The following DCST2 variants were observed in gnomAD, a reference collection of about 807,000 sequenced individuals.
The protein encoded by DCST2 is DC-STAMP domain containing 2, also known as DC-STAMP domain-containing protein 2.
In DCST2, 64 loss-of-function variants were observed where a neutral mutation model predicts 81.8. The observed-to-expected ratio is 0.78, with a 90% CI of 0.64 to 0.96. The LOEUF (loss-of-function observed/expected upper bound fraction) is 0.96. Among genes scored for constraint, DCST2 ranks in the 40% least tolerant of loss-of-function variants. DCST2 has a pLI of 0.00. For synonymous variants in DCST2, 354 were observed against 402.6 expected (o/e 0.88, Z 1.44); for missense variants, 945 against 1,001.4 (o/e 0.94, Z 0.76).
intron 8 of DCST2, among the ~76,000 whole-genome samples, chr1:155,027,587 G>A (rs1344576115): frequency 1.6e-5 from 2 of 123,822 alleles, no homozygotes; most frequent in Admixed American, 1.8e-4. Flanking sequence ...TTGAGACAGG[G>A]TATCACTCTG....
intron 14 of DCST2, among the ~76,000 whole-genome samples, chr1:155,021,991 C>T (rs535599203): frequency 2.0e-5 from 3 of 151,930 alleles, no homozygotes; most frequent in South Asian, 2.1e-4. Flanking sequence ...CTCAGCCTCC[C>T]GAGTAGCTGG....
chr1:155,020,488 G>C (rs1210159096), intron 14 of DCST2, among the ~76,000 whole-genome samples: 1 of 152,048 alleles, frequency 6.6e-6, no homozygotes, highest in Non-Finnish European at 1.5e-5. Flanking sequence ...TTCTGCCTCA[G>C]CCTCCCAAGT....
chr1:155,024,736 C>T, intron 10 of DCST2, 134 bp from the exon 11 acceptor site: 2 of 1,075,576 alleles, frequency 1.9e-6, no homozygotes, highest in East Asian at 3.2e-5. Flanking sequence ...TCAAATGCCC[C>T]TTCCTCTGGG....
In DCST2 at chr1:155,030,663, A is replaced by G. The variant is rs761690132; in HGVS notation, c.806-18T>C. ...AATCACGGCTGGGGCCAGCAGGTTC[A>G]GGGGAGACGTGGGCAAGGAGAGTTA... On this transcript the variant is annotated intron_variant, in intron 5 of 14. Coordinates refer to ENST00000368424, the MANE Select transcript of DCST2 (RefSeq NM_144622.3). The G allele has an allele frequency of 1.2e-6, 2 of 1,613,476 alleles. No individual in the cohort carries two copies. The highest frequency in any genetic ancestry group is 8.5e-7 in the Non-Finnish European group (1 of 1,179,678).
At chr1:155,024,639 C>T (rs1291786342) in intron 10 of DCST2, 37 bp from the exon 11 acceptor site, 3 of 1,548,054 alleles carry the variant, frequency 1.9e-6, no homozygotes, top group Non-Finnish European at 2.6e-6. Flanking sequence ...TCCCACTTGA[C>T]CCTGTTTTGT....
In DCST2 at chr1:155,031,719, G is replaced by A. The variant is rs139849530; in HGVS notation, c.594C>T (p.Cys198=). ...GGTAAGGGTTGCCCAGTTCCGAGTT[G>A]CACACATCGCCGATGTGCAGGAGCC... ...WQWLLHIGDV[C]NSELGNPYLK... is the part of the protein sequence containing the mutation. The change falls in exon 4 of 15, where the codon TGC becomes TGT. Residue 198 remains cysteine (C), a synonymous_variant. Coordinates refer to ENST00000368424, the MANE Select transcript of DCST2 (RefSeq NM_144622.3). 4.0e-5 allele frequency: 64 copies of A among 1,614,018 alleles called. No homozygotes were observed. The East Asian group carries it at 1.4e-3, about 35-fold the overall frequency.
intron 7 of DCST2, 67 bp from the exon 8 acceptor site, chr1:155,029,464 G>A: frequency 1.3e-6 from 2 of 1,521,256 alleles, no homozygotes; most frequent in Admixed American, 1.8e-5. Context: ...CCCAGTTCTT[G>A]GAGAGGCCTC....
At chr1:155,026,264 AG>A in intron 10 of DCST2, 37 bp downstream of exon 10, 2 of 1,604,120 alleles carry the variant, frequency 1.2e-6, no homozygotes, top group Admixed American at 1.7e-5. Context: ...CCCCCTGGGG[AG>A]GGGGCAGGGA....
chr1:155,023,823 G>C lies in DCST2; in HGVS notation c.1870+9C>G. 1 of 1,613,256 alleles carries C rather than the reference G, an allele frequency of 6.2e-7. No individual in the cohort carries two copies. Among genetic ancestry groups the C allele is most frequent in the Admixed American group, 1.7e-5 (1 of 59,942 alleles). On this transcript the variant is annotated intron_variant, in intron 12 of 14. Transcript: ENST00000368424. ...AGCAGGGAGAGGCACACGCCCCAGG[G>C]GGTCTCACCTTGGCAGCCGGGGGTA...
intron 14 of DCST2, among the ~76,000 whole-genome samples, chr1:155,021,673 G>T (rs1659760656): frequency 6.6e-6 from 1 of 151,758 alleles, no homozygotes; most frequent in South Asian, 2.1e-4. Context: ...TCTCAAACTG[G>T]GCCAGTCGTC....
intron 10 of DCST2, 129 bp downstream of exon 10, chr1:155,026,173 G>A: frequency 2.5e-6 from 2 of 814,870 alleles, no homozygotes; most frequent in Non-Finnish European, 3.9e-6. Flanking sequence ...CATTTGCTTT[G>A]GAGTTCAACC....
intron 10 of DCST2, 51 bp from the exon 11 acceptor site, chr1:155,024,653 C>T: frequency 6.5e-7 from 1 of 1,527,518 alleles, no homozygotes; most frequent in Non-Finnish European, 8.8e-7. Flanking sequence ...GTTTTGTCTG[C>T]CTGGAATGCC....
chr1:155,029,518 G>A (rs1054323862), intron 7 of DCST2, 121 bp from the exon 8 acceptor site: 7 of 981,254 alleles, frequency 7.1e-6, no homozygotes, highest in East Asian at 5.0e-5. Context: ...TCAGGAATAC[G>A]GAAAAGAAAA....
rs747174677 is a variant in DCST2 at position 155,029,252 on chromosome 1, C to G, written c.1323G>C (p.Gln441His). 13 of 1,613,598 alleles carry G rather than the reference C, an allele frequency of 8.1e-6. No individual in the cohort carries two copies. The East Asian group carries it at 2.7e-4, about 33-fold the overall frequency. ...WVLDLARHQL[Q>H]GEIVARSPVL... is the part of the protein sequence containing the mutation. The stretch of plus-strand genomic sequence containing the variant: ...ACTCACTGCGGGCCACAATCTCCCC[C>G]TGCAGCTGGTGCCGGGCCAGGTCAA... Residue 441 changes from glutamine to histidine, a missense_variant, in exon 8 of 15, where the codon CAG (glutamine) becomes CAC (histidine). Coordinates refer to ENST00000368424, the MANE Select transcript of DCST2 (RefSeq NM_144622.3).
At chr1:155,032,963 A>G (rs1449103059) in intron 2 of DCST2, 131 bp downstream of exon 2, 1 of 1,124,090 alleles carries the variant, frequency 8.9e-7, no homozygotes, top group African/African-American at 1.6e-5. Context: ...AGCTGTGCCC[A>G]GAGTCCCTTC....
Position 155,023,797 on chromosome 1 carries a change from G to A in DCST2, c.1870+35C>T, listed in dbSNP as rs753459156. On this transcript the variant is annotated intron_variant, in intron 12 of 14. Coordinates refer to ENST00000368424, the MANE Select transcript of DCST2 (RefSeq NM_144622.3). ...TGTCATATGCAAGTGGGGTAAGTCC[G>A]AGCAGGGAGAGGCACACGCCCCAGG... The A allele has an allele frequency of 1.1e-5, 17 of 1,610,684 alleles. No individual in the cohort carries two copies. The East Asian group carries it at 1.6e-4, about 15-fold the overall frequency.
chr1:155,025,147 CAA>C (rs201238594), intron 10 of DCST2, among the ~76,000 whole-genome samples: 79 of 111,332 alleles, frequency 7.1e-4, no homozygotes, highest in South Asian at 1.4e-3. Context: ...AATTCTGTCT[CAA>C]AAAAAAAAAA....
Position 155,033,172 on chromosome 1 carries a change from C to T in DCST2, c.361G>A (p.Glu121Lys), listed in dbSNP as rs757997712. The T allele has an allele frequency of 1.7e-5, 27 of 1,612,442 alleles. No individual in the cohort carries two copies. Among genetic ancestry groups the T allele is most frequent in the East Asian group, 2.2e-5 (1 of 44,870 alleles). ...AGCTCTGCCCCACAGGCTACAGCCT[C>T]GCTGGCCCGGGTGAAGTTGCGTAGA... ...NTLRNFTRAS[E>K]AVACGAELAL... The change falls in exon 2 of 15, where the codon GAG becomes AAG. Residue 121 changes from glutamate to lysine, a missense_variant. Glu to Lys is a moderately conservative substitution (Grantham distance 56). Coordinates refer to ENST00000368424, the MANE Select transcript of DCST2 (RefSeq NM_144622.3).
At chr1:155,019,980 T>C (rs1659702476) in intron 14 of DCST2, among the ~76,000 whole-genome samples, 1 of 152,190 alleles carries the variant, frequency 6.6e-6, no homozygotes, top group Non-Finnish European at 1.5e-5. Context: ...CAGGTGCTCT[T>C]GCCTCCTACT....
Sources: allele counts gnomAD v4.1 joint callset (sites outside exome capture counted in the v4.1 genomes callset), GRCh38; gene constraint gnomAD v4.1.1; transcripts MANE v1.5; gene names NCBI Gene and HGNC (gene_info 2026-07-23, HGNC 2026-07-21).